Variants in SLC30A7 observed in about 807,000 individuals in gnomAD.
The protein encoded by SLC30A7 is zinc transporter 7.
In SLC30A7, 35 loss-of-function variants were observed where a neutral mutation model predicts 46.0. The observed-to-expected ratio is 0.76, with a 90% CI of 0.58 to 1.01. The LOEUF is 1.01. Ranked by LOEUF, SLC30A7 falls within the 50% of genes least tolerant of loss-of-function variation. The pLI, the probability that SLC30A7 is intolerant of heterozygous loss-of-function variation, is 0.00. For synonymous variants in SLC30A7, 147 were observed against 157.8 expected (o/e 0.93, Z 0.51); for missense variants, 464 against 451.1 (o/e 1.03, Z -0.26).
At chr1:100,911,634 T>C (rs192151503) in intron 4 of SLC30A7, among the ~76,000 whole-genome samples, 1 of 152,316 alleles carries the variant, frequency 6.6e-6, no homozygotes, top group African/African-American at 2.4e-5. Context: ...TACTGCAACT[T>C]GCGCCTCCTG....
At chr1:100,953,999 T>C (rs956542943) in intron 8 of SLC30A7, among the ~76,000 whole-genome samples, 3 of 152,194 alleles carry the variant, frequency 2.0e-5, no homozygotes, top group Admixed American at 6.5e-5. Context: ...TCTTCACTGT[T>C]ATGCTATTTA....
intron 8 of SLC30A7, among the ~76,000 whole-genome samples, chr1:100,953,588 C>A (rs1054201005): frequency 3.9e-5 from 6 of 152,146 alleles, no homozygotes; most frequent in African/African-American, 1.4e-4. Context: ...CCATCCTTAC[C>A]TAACCGCTGC....
intron 8 of SLC30A7, among the ~76,000 whole-genome samples, chr1:100,937,560 CTAA>C (rs1465377001): frequency 2.6e-5 from 4 of 152,052 alleles, no homozygotes; most frequent in African/African-American, 9.7e-5. Context: ...TTGCATTTCC[CTAA>C]TGATTACTGA....
chr1:100,965,777 G>A lies in SLC30A7; in HGVS notation c.942G>A (p.Gln314=). Residue 314 remains glutamine (Q), a synonymous_variant, in exon 10 of 11, where the codon CAG becomes CAA. Coordinates refer to ENST00000357650, the MANE Select transcript of SLC30A7 (RefSeq NM_133496.5). The part of the protein sequence containing the change: ...SLPQCYQRVQ[Q]LQGVYSLQEQ... ...TCTCCTTTATATTTCAGGTACAGCA[G>A]TTGCAAGGAGTTTACAGTTTACAGG... is the stretch of plus-strand genomic sequence containing the variant. The A allele has an allele frequency of 6.2e-6, 10 of 1,613,480 alleles. No homozygotes were observed. The highest frequency in any genetic ancestry group is 8.5e-6 in the Non-Finnish European group (10 of 1,179,512).
At chr1:100,912,052 T>C in intron 4 of SLC30A7, 60 bp from the exon 5 acceptor site, 4 of 1,458,008 alleles carry the variant, frequency 2.7e-6, no homozygotes, top group Non-Finnish European at 3.8e-6. Context: ...CTTATGATTT[T>C]GTTAGTTGAT....
chr1:100,992,740 C>A, the SLC30A7 span: 1 of 1,608,600 alleles, frequency 6.2e-7, no homozygotes, highest in Non-Finnish European at 8.5e-7. Context: ...TCTTCCTTCC[C>A]CTATAGGCAG....
At chr1:100,952,780 A>G (rs1655024020) in intron 8 of SLC30A7, among the ~76,000 whole-genome samples, 1 of 152,212 alleles carries the variant, frequency 6.6e-6, no homozygotes, top group Non-Finnish European at 1.5e-5. Flanking sequence ...CCTTTTCTGC[A>G]GTGTCCCTCC....
chr1:100,916,626 G>A (rs1652571430), intron 6 of SLC30A7, among the ~76,000 whole-genome samples: 1 of 150,164 alleles, frequency 6.7e-6, no homozygotes, highest in Non-Finnish European at 1.5e-5. Context: ...CACTCTTTTA[G>A]TTATTTTGAA....
chr1:100,952,650 T>C (rs1488100338), intron 8 of SLC30A7, among the ~76,000 whole-genome samples: 1 of 152,226 alleles, frequency 6.6e-6, no homozygotes, highest in Admixed American at 6.5e-5. Context: ...CTAGTTACTT[T>C]GGAATGACTA....
chr1:100,930,214 T>C (rs1653582587), intron 8 of SLC30A7, among the ~76,000 whole-genome samples: 1 of 152,088 alleles, frequency 6.6e-6, no homozygotes, highest in South Asian at 2.1e-4. Flanking sequence ...TTTGTACTTT[T>C]ATATACATAT....
chr1:100,974,442 C>T (rs1185024367), intron 10 of SLC30A7, among the ~76,000 whole-genome samples: 2 of 152,144 alleles, frequency 1.3e-5, no homozygotes, highest in African/African-American at 4.8e-5. Context: ...AAATTGTTTA[C>T]TAATCATTTA....
At chr1:100,953,174 G>C (rs1228661313) in intron 8 of SLC30A7, among the ~76,000 whole-genome samples, 2 of 152,084 alleles carry the variant, frequency 1.3e-5, no homozygotes, top group African/African-American at 4.8e-5. Context: ...AATTTCCTGA[G>C]GCCTCCTACT....
intron 9 of SLC30A7, among the ~76,000 whole-genome samples, chr1:100,963,245 C>T (rs1224702533): frequency 2.6e-5 from 4 of 152,140 alleles, no homozygotes; most frequent in Non-Finnish European, 2.9e-5. Context: ...CTGCTTTCAA[C>T]TCTAAATTTG....
At chr1:100,918,956 G>A (rs974590043) in intron 7 of SLC30A7, among the ~76,000 whole-genome samples, 1 of 152,146 alleles carries the variant, frequency 6.6e-6, no homozygotes, top group African/African-American at 2.4e-5. Flanking sequence ...ACACCATCAT[G>A]AAGCCAAAGT....
At chr1:100,957,298 A>C (rs1655281790) in intron 8 of SLC30A7, among the ~76,000 whole-genome samples, 1 of 152,210 alleles carries the variant, frequency 6.6e-6, no homozygotes, top group Non-Finnish European at 1.5e-5. Context: ...GCTTAATAAA[A>C]TTCATTTGCT....
At chr1:100,916,428 A>C (rs1300789236) in intron 6 of SLC30A7, among the ~76,000 whole-genome samples, 1 of 152,016 alleles carries the variant, frequency 6.6e-6, no homozygotes, top group Non-Finnish European at 1.5e-5. Flanking sequence ...ATCGTGATCC[A>C]CCTGCCTTGG....
chr1:100,995,476 A>G, the SLC30A7 span: 1 of 215,388 alleles, frequency 4.6e-6, no homozygotes, highest in East Asian at 1.0e-4. Context: ...TCTACCAGCT[A>G]GTAACTGCAC....
intron 10 of SLC30A7, chr1:100,972,749 T>C (rs1656231368): frequency 6.6e-6 from 1 of 152,058 alleles, no homozygotes; most frequent in Non-Finnish European, 1.5e-5. Flanking sequence ...TGTCAGATCA[T>C]ATAATTGTAA....
chr1:100,945,171 A>G (rs1193109272), intron 8 of SLC30A7, among the ~76,000 whole-genome samples: 1 of 152,084 alleles, frequency 6.6e-6, no homozygotes, highest in Non-Finnish European at 1.5e-5. Flanking sequence ...AGTTCTTTGT[A>G]GATTCTGGAT....
Sources: gnomAD v4.1 joint callset for allele counts (sites outside exome capture counted in the v4.1 genomes callset) on GRCh38, gnomAD v4.1.1 for gene constraint, MANE v1.5 for transcripts, NCBI Gene and HGNC (gene_info 2026-07-23, HGNC 2026-07-21) for gene names.